PRKN: variants seen among roughly 807,000 people sequenced by gnomAD.
The protein encoded by PRKN is parkin RBR E3 ubiquitin protein ligase, also known as E3 ubiquitin-protein ligase parkin.
A neutral mutation model predicts 59.5 loss-of-function variants in PRKN; 56 were observed. The observed-to-expected ratio is 0.94, with a 90% CI of 0.76 to 1.18. The LOEUF (loss-of-function observed/expected upper bound fraction) is 1.18, where lower values mean the gene tolerates loss of function less well. PRKN is among the 50% of genes most tolerant of loss of function. The pLI is 0.00. For missense variants in PRKN, 657 were observed against 596.4 expected, an observed-to-expected ratio of 1.10 and a Z score of -1.06; for synonymous variants, 250 against 222.1, an observed-to-expected ratio of 1.13 and a Z score of -1.12.
At chr6:162,633,606 C>A (rs926581749) in intron 1 of PRKN, among the ~76,000 whole-genome samples, 6 of 152,006 alleles carry the variant, frequency 3.9e-5, no homozygotes, top group African/African-American at 1.4e-4. Context: ...TTCACACAAA[C>A]CTGGAGGTTG....
At chr6:161,692,941 C>T (rs1785858378) in intron 7 of PRKN, among the ~76,000 whole-genome samples, 1 of 108,528 alleles carries the variant, frequency 9.2e-6, no homozygotes, top group Non-Finnish European at 1.9e-5. Flanking sequence ...GAGTGAGACT[C>T]TGTCTCAAAA....
intron 9 of PRKN, among the ~76,000 whole-genome samples, chr6:161,443,325 A>AAG (rs370824331): frequency 0.12 from 18,153 of 149,882 alleles, 1,253 homozygotes; most frequent in African/African-American, 0.15. Flanking sequence ...AAAAAAAAAA[A>AAG]AATCAGGGAG....
At chr6:162,325,398 T>A (rs183962615) in intron 2 of PRKN, among the ~76,000 whole-genome samples, 2 of 152,256 alleles carry the variant, frequency 1.3e-5, no homozygotes, top group East Asian at 3.9e-4. Context: ...TTTCAACTCA[T>A]CTCGACGGAA....
chr6:161,912,642 CA>C (rs1562385998), intron 6 of PRKN, among the ~76,000 whole-genome samples: 1 of 152,056 alleles, frequency 6.6e-6, no homozygotes, highest in African/African-American at 2.4e-5. Context: ...GAGAAGAGCA[CA>C]GAACCCAGCT....
chr6:162,350,856 A>C (rs2128130999), intron 2 of PRKN, among the ~76,000 whole-genome samples: 1 of 152,244 alleles, frequency 6.6e-6, no homozygotes, highest in South Asian at 2.1e-4. Flanking sequence ...TGCTTGTGAA[A>C]TATACTATTA....
intron 4 of PRKN, among the ~76,000 whole-genome samples, chr6:162,194,997 G>T (rs767363524): frequency 4.6e-5 from 7 of 152,108 alleles, no homozygotes; most frequent in Non-Finnish European, 8.8e-5. Context: ...CGTGAAGGGC[G>T]ACAGTGAACA....
chr6:161,979,770 C>T (rs1044694863), intron 5 of PRKN, among the ~76,000 whole-genome samples: 1 of 152,124 alleles, frequency 6.6e-6, no homozygotes, highest in African/African-American at 2.4e-5. Flanking sequence ...ACATCAGACC[C>T]ATACAAATCA....
intron 5 of PRKN, among the ~76,000 whole-genome samples, chr6:162,027,633 A>G (rs1201222628): frequency 1.3e-5 from 2 of 152,148 alleles, no homozygotes; most frequent in African/African-American, 4.8e-5. Context: ...AACCACGCCC[A>G]AATTTGTGTT....
At chr6:162,657,749 C>T (rs1488740301) in intron 1 of PRKN, among the ~76,000 whole-genome samples, 1 of 152,112 alleles carries the variant, frequency 6.6e-6, no homozygotes, top group Admixed American at 6.5e-5. Context: ...GATGTGAACA[C>T]CCCTGTCATG....
intron 6 of PRKN, among the ~76,000 whole-genome samples, chr6:161,827,918 G>A (rs919463774): frequency 2.6e-5 from 4 of 152,148 alleles, no homozygotes; most frequent in Admixed American, 2.6e-4. Flanking sequence ...CAGCTTTACT[G>A]ATCACAACCA....
intron 9 of PRKN, among the ~76,000 whole-genome samples, chr6:161,477,069 A>G (rs566118574): frequency 6.6e-6 from 1 of 152,382 alleles, no homozygotes; most frequent in South Asian, 2.1e-4. Context: ...AGCCAACAGC[A>G]CTTAACTCAC....
intron 5 of PRKN, among the ~76,000 whole-genome samples, chr6:162,034,607 C>A (rs1027514712): frequency 2.0e-5 from 3 of 152,140 alleles, no homozygotes; most frequent in Non-Finnish European, 4.4e-5. Flanking sequence ...ATGAAGAACA[C>A]TTTGGTACTG....
At chr6:161,629,925 C>T (rs983668327) in intron 7 of PRKN, among the ~76,000 whole-genome samples, 1 of 152,118 alleles carries the variant, frequency 6.6e-6, no homozygotes, top group African/African-American at 2.4e-5. Context: ...GTGACAATAG[C>T]GCCAGGTCTG....
Position 162,646,775 on chromosome 6 carries a change from T to C in PRKN, c.7+80887A>G, listed in dbSNP as rs534227894. 1.1e-4 allele frequency among the ~76,000 whole-genome samples: 16 copies of C among 152,254 alleles called. No homozygotes were observed. In the East Asian group the frequency reaches 1.5e-3, roughly 15 times the overall value. On this transcript the variant is annotated intron_variant, in intron 1 of 11. Transcript: ENST00000366898. ...AGCCTCCTGCTCCTGGGCTACAAGC[T>C]GAACAGCATGTTACTCTACTGCATA...
At chr6:161,424,104 A>G (rs1204396987) in intron 9 of PRKN, among the ~76,000 whole-genome samples, 2 of 152,130 alleles carry the variant, frequency 1.3e-5, no homozygotes, top group African/African-American at 4.8e-5. Context: ...TCGGAGGCCA[A>G]GGTGGGTGGA....
At chr6:161,907,037 C>CT (rs1778176893) in intron 6 of PRKN, among the ~76,000 whole-genome samples, 1 of 152,100 alleles carries the variant, frequency 6.6e-6, no homozygotes, top group Non-Finnish European at 1.5e-5. Flanking sequence ...TGGGAACACC[C>CT]TCACAGACAC....
chr6:162,327,895 A>AT (rs574879353), intron 2 of PRKN, among the ~76,000 whole-genome samples: 5 of 152,212 alleles, frequency 3.3e-5, no homozygotes, highest in Admixed American at 6.5e-5. Flanking sequence ...GTCTGAGAGA[A>AT]TCACCAGAGT....
In PRKN at chr6:161,395,525, A is replaced by C. The variant is rs547051192; in HGVS notation, c.1084-8648T>G. Among the ~76,000 whole-genome samples, 70 of 152,272 alleles carry C rather than the reference A, an allele frequency of 4.6e-4. No individual in the cohort carries two copies. Among genetic ancestry groups the C allele is most frequent in the African/African-American group, 1.6e-3 (65 of 41,550 alleles). Reference sequence around the variant, plus strand: ...AATAGCTGGGTCCAAGGGCATATGGACTTTCCATTTTGATTGCTTTCGCGA... The same window carrying C: ...AATAGCTGGGTCCAAGGGCATATGGCCTTTCCATTTTGATTGCTTTCGCGA... On this transcript the variant is annotated intron_variant, in intron 9 of 11. Coordinates refer to ENST00000366898, the MANE Select transcript of PRKN (RefSeq NM_004562.3). The surrounding 1 kb of genome is among the most constrained non-coding windows in gnomAD (Gnocchi z 5.0).
chr6:161,862,646 GAAGA>G (rs1176693812), intron 6 of PRKN, among the ~76,000 whole-genome samples: 1 of 152,102 alleles, frequency 6.6e-6, no homozygotes, highest in Non-Finnish European at 1.5e-5. Context: ...TGAGCCTGTG[GAAGA>G]GAGAGGAATG....
Sources: allele counts gnomAD v4.1 joint callset (sites outside exome capture counted in the v4.1 genomes callset), GRCh38; gene constraint gnomAD v4.1.1; non-coding constraint Gnocchi (gnomAD v3.1); transcripts MANE v1.5; gene names NCBI Gene and HGNC (gene_info 2026-07-23, HGNC 2026-07-21).